Variants in ST7 observed in about 807,000 individuals in gnomAD.
ST7 encodes the protein suppressor of tumorigenicity 7 protein.
ST7 carries 28 observed loss-of-function variants against 78.7 expected under a neutral mutation model. The ratio of observed to expected loss-of-function variants is 0.36; its 90% CI spans 0.26 to 0.49. The LOEUF (loss-of-function observed/expected upper bound fraction) is 0.49. Ranked by LOEUF, ST7 falls within the 20% of genes least tolerant of loss-of-function variation. The probability of loss-of-function intolerance (pLI) is 0.99; values close to 1 mark genes in which losing one functional copy is unlikely to be tolerated. For missense variants in ST7, 418 were observed against 696.0 expected, an observed-to-expected ratio of 0.60 and a Z score of 4.49; for synonymous variants, 247 against 249.6, an observed-to-expected ratio of 0.99 and a Z score of 0.10.
At chr7:117,062,021 G>T (rs1360245236) in intron 1 of ST7, among the ~76,000 whole-genome samples, 1 of 152,204 alleles carries the variant, frequency 6.6e-6, no homozygotes, top group Non-Finnish European at 1.5e-5. Flanking sequence ...TCAAGATCAA[G>T]ATGCCAGCTG....
At chr7:117,029,384 G>A (rs1796360203) in intron 1 of ST7, among the ~76,000 whole-genome samples, 1 of 151,912 alleles carries the variant, frequency 6.6e-6, no homozygotes, top group Non-Finnish European at 1.5e-5. Context: ...GGCCATTTGT[G>A]TATCTTCTTT....
At chr7:117,084,316 T>C (rs1375657412) in intron 1 of ST7, among the ~76,000 whole-genome samples, 1 of 151,938 alleles carries the variant, frequency 6.6e-6, no homozygotes, top group Non-Finnish European at 1.5e-5. Context: ...AGGAGACAGG[T>C]TGGGGGGATA....
chr7:116,960,589 TCTTGTACTA>T (rs1485606476), intron 1 of ST7, among the ~76,000 whole-genome samples: 1 of 152,230 alleles, frequency 6.6e-6, no homozygotes, highest in Non-Finnish European at 1.5e-5. Flanking sequence ...ACCAAATCTT[TCTTGTACTA>T]CTGTGTCATT....
intron 1 of ST7, among the ~76,000 whole-genome samples, chr7:117,001,124 T>C (rs1234078263): frequency 6.6e-6 from 1 of 152,218 alleles, no homozygotes; most frequent in Non-Finnish European, 1.5e-5. Context: ...TTATCTCATG[T>C]GCACAAAAAT....
At chr7:117,106,192 G>A (rs1236588396) in intron 2 of ST7, among the ~76,000 whole-genome samples, 1 of 151,818 alleles carries the variant, frequency 6.6e-6, no homozygotes, top group Non-Finnish European at 1.5e-5. Context: ...TAGAGACGGG[G>A]TTTCACCTTG....
intron 1 of ST7, among the ~76,000 whole-genome samples, chr7:117,089,582 T>G (rs1489082453): frequency 4.0e-5 from 6 of 151,116 alleles, no homozygotes; most frequent in South Asian, 4.2e-4. Context: ...TTGTTTTTTT[T>G]TTTTTTTGAG....
chr7:117,154,368 T>C (rs1036436068), intron 9 of ST7, among the ~76,000 whole-genome samples: 3 of 152,214 alleles, frequency 2.0e-5, no homozygotes, highest in Non-Finnish European at 2.9e-5. Flanking sequence ...ATTTCTGTTG[T>C]TTAAGATGCA....
At chr7:117,008,216 A>G (rs1253445892) in intron 1 of ST7, among the ~76,000 whole-genome samples, 2 of 152,190 alleles carry the variant, frequency 1.3e-5, no homozygotes, top group African/African-American at 4.8e-5. Context: ...TTTTAGAGCT[A>G]GAAAAAAACC....
intron 9 of ST7, among the ~76,000 whole-genome samples, chr7:117,156,445 T>C (rs532283462): frequency 2.2e-4 from 33 of 152,302 alleles, no homozygotes; most frequent in African/African-American, 7.7e-4. Flanking sequence ...GCTTGTGTCA[T>C]GTAGAGTTTC....
At chr7:116,999,625 T>C (rs904009391) in intron 1 of ST7, among the ~76,000 whole-genome samples, 2 of 152,124 alleles carry the variant, frequency 1.3e-5, no homozygotes, top group African/African-American at 2.4e-5. Flanking sequence ...TAGAAGATGA[T>C]ATCTAGAAGG....
rs540716673 is a variant in ST7 at position 117,075,437 on chromosome 7, T to C, written c.152-24325T>C. Among the ~76,000 whole-genome samples the C allele has an allele frequency of 2.0e-5, 3 of 152,294 alleles. No homozygotes were observed. The East Asian group carries it at 5.8e-4, about 29-fold the overall frequency. On this transcript the variant is annotated intron_variant, in intron 1 of 15. Coordinates refer to ENST00000323984, the MANE Select transcript of ST7 (RefSeq NM_001369598.1). ...CGAGATAATGTAGTGGCTACACGTTTCTTTGCTCCCAAATTAAGATATTTG... is the reference window on the plus strand; with the variant it reads ...CGAGATAATGTAGTGGCTACACGTTCCTTTGCTCCCAAATTAAGATATTTG...
At chr7:116,981,117 T>G (rs1192346662) in intron 1 of ST7, among the ~76,000 whole-genome samples, 1 of 152,078 alleles carries the variant, frequency 6.6e-6, no homozygotes, top group African/African-American at 2.4e-5. Flanking sequence ...TAGTTTTGTT[T>G]TTTTTTTTAA....
At chr7:117,132,091 A>G in intron 6 of ST7, 131 bp downstream of exon 6, 1 of 953,088 alleles carries the variant, frequency 1.0e-6, no homozygotes, top group Middle Eastern at 2.3e-4. Context: ...TTATTACTCT[A>G]TTTAAAAAAG....
chr7:117,197,772 T>C (rs1384946550), intron 12 of ST7, among the ~76,000 whole-genome samples: 1 of 152,214 alleles, frequency 6.6e-6, no homozygotes, highest in African/African-American at 2.4e-5. Flanking sequence ...CAAGGAATAA[T>C]GACCTAAAGG....
intron 9 of ST7, among the ~76,000 whole-genome samples, chr7:117,158,004 T>C (rs903464947): frequency 6.6e-6 from 1 of 152,206 alleles, no homozygotes; most frequent in Admixed American, 6.5e-5. Flanking sequence ...GCTTCTTTCC[T>C]GCCCTCCTCC....
At chr7:117,117,215 A>G (rs1802959599) in intron 2 of ST7, among the ~76,000 whole-genome samples, 1 of 152,146 alleles carries the variant, frequency 6.6e-6, no homozygotes, top group Non-Finnish European at 1.5e-5. Context: ...TTTAGCGCTG[A>G]CACTTTATGA....
At chr7:117,128,711 G>A (rs1029597432) in intron 3 of ST7, among the ~76,000 whole-genome samples, 2 of 151,776 alleles carry the variant, frequency 1.3e-5, no homozygotes, top group Non-Finnish European at 2.9e-5. Context: ...GAAATTGATG[G>A]TTTACTTATT....
At chr7:117,159,707 T>C (rs1806977759) in intron 9 of ST7, among the ~76,000 whole-genome samples, 1 of 152,148 alleles carries the variant, frequency 6.6e-6, no homozygotes, top group Non-Finnish European at 1.5e-5. Flanking sequence ...TTATGTTCTA[T>C]TGTGCAACTA....
chr7:117,221,894 T>C, intron 14 of ST7, 29 bp from the exon 15 acceptor site: 4 of 1,591,008 alleles, frequency 2.5e-6, no homozygotes, highest in Non-Finnish European at 3.4e-6. Context: ...ACTCCAGCCC[T>C]GATATTTCCC....
Sources: allele counts gnomAD v4.1 joint callset (sites outside exome capture counted in the v4.1 genomes callset), GRCh38; gene constraint gnomAD v4.1.1; transcripts MANE v1.5; gene names NCBI Gene and HGNC (gene_info 2026-07-23, HGNC 2026-07-21).